TIMP2: variants seen among roughly 807,000 people sequenced by gnomAD.
The protein encoded by TIMP2 is TIMP metallopeptidase inhibitor 2, also known as metalloproteinase inhibitor 2.
Under a neutral mutation model 24.3 loss-of-function variants are expected in TIMP2, and 5 were observed. That is an observed-to-expected ratio of 0.21 (90% CI 0.11 to 0.43). The LOEUF (loss-of-function observed/expected upper bound fraction) is 0.43. Among genes scored for constraint, TIMP2 ranks in the 20% least tolerant of loss-of-function variants. TIMP2 has a pLI of 1.00. For synonymous variants in TIMP2, 130 were observed against 123.2 expected, an observed-to-expected ratio of 1.06 and a Z score of -0.37; for missense variants, 221 against 297.5, an observed-to-expected ratio of 0.74 and a Z score of 1.89.
At chr17:78,889,278 C>A (rs61086147) in intron 1 of TIMP2, among the ~76,000 whole-genome samples, 1 of 152,206 alleles carries the variant, frequency 6.6e-6, no homozygotes, top group South Asian at 2.1e-4. Context: ...CTCCATGGCT[C>A]TGGTGGATGC....
In TIMP2 at chr17:78,920,366, G is replaced by A. The variant is rs982321367; in HGVS notation, c.130+4593C>T. ...CGTGGCTCTGCACCCCCAGAAGGGT[G>A]CAAATAGGGGAGGCCCGAGAGGCTC... On this transcript the variant is annotated intron_variant, in intron 1 of 4. Coordinates refer to ENST00000262768, the MANE Select transcript of TIMP2 (RefSeq NM_003255.5). The surrounding 1 kb of genome is among the most constrained non-coding windows in gnomAD (Gnocchi z 4.5). Among the ~76,000 whole-genome samples, 1 of 152,312 alleles carries A rather than the reference G, an allele frequency of 6.6e-6. No homozygotes were observed. The highest frequency in any genetic ancestry group is 2.1e-4 in the South Asian group (1 of 4,828).
At chr17:78,900,357 C>A (rs1599168755) in intron 1 of TIMP2, among the ~76,000 whole-genome samples, 1 of 152,068 alleles carries the variant, frequency 6.6e-6, no homozygotes, top group South Asian at 2.1e-4. Flanking sequence ...ACCAGCCTGA[C>A]CAACGTGGTG....
chr17:78,921,372 G>A (rs534214666), intron 1 of TIMP2, among the ~76,000 whole-genome samples: 12 of 152,338 alleles, frequency 7.9e-5, no homozygotes, highest in South Asian at 2.1e-4. Flanking sequence ...AGATGTCATC[G>A]CAGAGGTCTT....
At chr17:78,868,948 A>G (rs893818900) in intron 3 of TIMP2, among the ~76,000 whole-genome samples, 1 of 152,154 alleles carries the variant, frequency 6.6e-6, no homozygotes, top group Non-Finnish European at 1.5e-5. Context: ...GGTGGGGGCC[A>G]GGGATGCAGC....
At chr17:78,871,466 A>AAG (rs527426455) in intron 2 of TIMP2, among the ~76,000 whole-genome samples, 64,393 of 110,596 alleles carry the variant, frequency 0.58, 19,552 homozygotes, top group Admixed American at 0.68. Context: ...AAAAAAAAAA[A>AAG]AAAAGAAAAG....
At chr17:78,883,519 G>C (rs1289985949) in intron 1 of TIMP2, among the ~76,000 whole-genome samples, 1 of 152,150 alleles carries the variant, frequency 6.6e-6, no homozygotes. Context: ...AAGGTAACAG[G>C]GTGCACAACA....
intron 3 of TIMP2, among the ~76,000 whole-genome samples, chr17:78,867,396 T>C (rs1234228344): frequency 2.0e-5 from 3 of 152,216 alleles, no homozygotes; most frequent in African/African-American, 7.2e-5. Flanking sequence ...AAGCAGGAGC[T>C]GTGAGCATGT....
At chr17:78,919,836 A>G (rs1162531765) in intron 1 of TIMP2, among the ~76,000 whole-genome samples, 1 of 151,776 alleles carries the variant, frequency 6.6e-6, no homozygotes, top group Non-Finnish European at 1.5e-5. Context: ...TCCATCTCGA[A>G]AAAAAAGAAA....
chr17:78,879,388 A>G (rs1010560846), intron 1 of TIMP2, among the ~76,000 whole-genome samples: 11 of 152,244 alleles, frequency 7.2e-5, no homozygotes, highest in Non-Finnish European at 1.6e-4. Flanking sequence ...GTCCCAGGCC[A>G]TGTGAAGAAC....
intron 1 of TIMP2, among the ~76,000 whole-genome samples, chr17:78,875,332 A>G (rs1177946270): frequency 2.0e-5 from 3 of 152,118 alleles, no homozygotes; most frequent in African/African-American, 7.2e-5. Context: ...GATCCCAACT[A>G]AGCCCCAACC....
intron 1 of TIMP2, among the ~76,000 whole-genome samples, chr17:78,892,984 T>C (rs977100339): frequency 6.6e-6 from 1 of 152,066 alleles, no homozygotes; most frequent in African/African-American, 2.4e-5. Flanking sequence ...AGAGGAAGTC[T>C]GGGCCTCTGG....
At chr17:78,906,125 C>A (rs1277056146) in intron 1 of TIMP2, among the ~76,000 whole-genome samples, 2 of 152,198 alleles carry the variant, frequency 1.3e-5, no homozygotes, top group Non-Finnish European at 2.9e-5. Flanking sequence ...CATCCCAGCA[C>A]TTTAGGAAGC....
At chr17:78,890,123 C>T (rs965961783) in intron 1 of TIMP2, among the ~76,000 whole-genome samples, 2 of 151,796 alleles carry the variant, frequency 1.3e-5, no homozygotes, top group African/African-American at 4.8e-5. Context: ...CTCAATCAAT[C>T]AATCAATCAA....
intron 4 of TIMP2, chr17:78,856,241 G>A (rs2145743461): frequency 4.3e-6 from 1 of 234,530 alleles, no homozygotes; most frequent in East Asian, 8.7e-5. Context: ...CGCAAGCCGA[G>A]CCCCGAGGTC....
At chr17:78,923,310 G>GGCC (rs1213509729) in intron 1 of TIMP2, among the ~76,000 whole-genome samples, 1 of 150,348 alleles carries the variant, frequency 6.7e-6, no homozygotes, top group Non-Finnish European at 1.5e-5. Flanking sequence ...CCAGCTCAGT[G>GGCC]GCCGCCTTAA....
rs925617526 is a variant in TIMP2, at chr17:78,891,865, C to A, written c.131-17946G>T. On this transcript the variant is annotated intron_variant, in intron 1 of 4. Transcript: ENST00000262768. This position sits in a 1 kb window ranked among gnomAD's most constrained non-coding sequence, Gnocchi z 4.5. Reference sequence around the variant, plus strand: ...TCTCAGGCGGGGCCAGGTGAGAATTCATCCGACCCGTGGCTTTTGTAGTCT... The same window carrying A: ...TCTCAGGCGGGGCCAGGTGAGAATTAATCCGACCCGTGGCTTTTGTAGTCT... 1.3e-6 allele frequency: 2 copies of A among 1,550,682 alleles called. No individual in the cohort carries two copies. The highest frequency in any genetic ancestry group is 1.7e-6 in the Non-Finnish European group (2 of 1,147,012).
chr17:78,919,274 C>T (rs1245485872), intron 1 of TIMP2, among the ~76,000 whole-genome samples: 2 of 152,228 alleles, frequency 1.3e-5, no homozygotes, highest in African/African-American at 4.8e-5. Context: ...GGATGGAATG[C>T]AGATGTCACA....
At chr17:78,886,045 T>C (rs1019312483) in intron 1 of TIMP2, among the ~76,000 whole-genome samples, 2 of 152,134 alleles carry the variant, frequency 1.3e-5, no homozygotes, top group Non-Finnish European at 2.9e-5. Flanking sequence ...AGGGCTGTTT[T>C]AGTGCCCACA....
At chr17:78,880,565 T>C (rs946027955) in intron 1 of TIMP2, among the ~76,000 whole-genome samples, 12 of 151,984 alleles carry the variant, frequency 7.9e-5, no homozygotes, top group Admixed American at 2.0e-4. Context: ...AAACAAAAAT[T>C]AGCTGGGCGT....
Sources: allele counts gnomAD v4.1 joint callset (sites outside exome capture counted in the v4.1 genomes callset), GRCh38; gene constraint gnomAD v4.1.1; non-coding constraint Gnocchi (gnomAD v3.1); transcripts MANE v1.5; gene names NCBI Gene and HGNC (gene_info 2026-07-23, HGNC 2026-07-21).